The following PDCD6IP variants were observed in gnomAD, a reference collection of about 807,000 sequenced individuals.
PDCD6IP encodes programmed cell death 6 interacting protein.
A neutral mutation model predicts 103.7 loss-of-function variants in PDCD6IP; 43 were observed. The observed-to-expected ratio is 0.41, with a 90% CI of 0.32 to 0.53. PDCD6IP has a LOEUF of 0.53. Ranked by LOEUF, PDCD6IP falls within the 20% of genes least tolerant of loss-of-function variation. The probability of loss-of-function intolerance (pLI) is 0.16; values close to 1 mark genes in which losing one functional copy is unlikely to be tolerated. For missense variants in PDCD6IP, 871 were observed against 1,036.7 expected (o/e 0.84, Z 2.20); for synonymous variants, 354 against 378.7 (o/e 0.93, Z 0.76).
chr3:33,863,433 C>A (rs1217941925), intron 15 of PDCD6IP, among the ~76,000 whole-genome samples: 3 of 152,154 alleles, frequency 2.0e-5, no homozygotes, highest in Non-Finnish European at 2.9e-5. Context: ...TCCCCACCCC[C>A]TACTCTTTCT....
intron 15 of PDCD6IP, among the ~76,000 whole-genome samples, chr3:33,860,641 T>C (rs113012740): frequency 0.04 from 6,136 of 152,296 alleles, 189 homozygotes; most frequent in South Asian, 0.074. Context: ...TAGAATCACA[T>C]ATTATGTACT....
intron 4 of PDCD6IP, 22 bp downstream of exon 4, chr3:33,822,104 A>G (rs371298657): frequency 1.5e-4 from 235 of 1,610,706 alleles, no homozygotes; most frequent in Non-Finnish European, 1.9e-4. Context: ...AGTAGTTACT[A>G]CAATAATGGT....
chr3:33,826,577 C>T lies in PDCD6IP; in HGVS notation c.714C>T (p.Pro238=), dbSNP rs761343613. Residue 238 remains proline (P), a synonymous_variant, in exon 6 of 18, where the codon CCC becomes CCT. Coordinates refer to ENST00000307296, the MANE Select transcript of PDCD6IP (RefSeq NM_013374.6). ...AGTGTCAATACAAAGATACTCTCCC[C>T]AAGGTCAGTTATTGTTTTTATAAAC... ...FKQCQYKDTL[P]KEVFPVLAAK... is the part of the protein sequence containing the mutation. 2 of 1,611,314 alleles carry T rather than the reference C, an allele frequency of 1.2e-6. No individual in the cohort carries two copies. Among genetic ancestry groups the T allele is most frequent in the Non-Finnish European group, 1.7e-6 (2 of 1,177,846 alleles).
rs566721231 is a variant in PDCD6IP, at chr3:33,836,123, A to T, written c.914A>T (p.Asn305Ile). The T allele has an allele frequency of 1.6e-5, 26 of 1,612,200 alleles. No homozygotes were observed. In the Admixed American group the frequency reaches 2.7e-4, roughly 17 times the overall value. The change falls in exon 8 of 18, where the codon AAT becomes ATT. Residue 305 changes from asparagine to isoleucine, a missense_variant. Around this residue, in one of 5 missense-constraint regions of PDCD6IP, gnomAD observed 242 missense variants for 250.7 expected, o/e 0.97. Coordinates refer to ENST00000307296, the MANE Select transcript of PDCD6IP (RefSeq NM_013374.6). ...VNVKDFSDKI[N>I]RALAAAKKDN... Reference sequence around the variant, plus strand: ...GTGAAGGATTTTTCTGACAAAATCAATCGTGCCCTTGCTGCAGCAAAGAAG... The same window carrying T: ...GTGAAGGATTTTTCTGACAAAATCATTCGTGCCCTTGCTGCAGCAAAGAAG...
intron 12 of PDCD6IP, among the ~76,000 whole-genome samples, chr3:33,850,941 T>A (rs1697699969): frequency 6.6e-6 from 1 of 151,772 alleles, no homozygotes; most frequent in African/African-American, 2.4e-5. Context: ...CCCCTCCCTC[T>A]TCTGTTCCTT....
rs1697741086 is a variant in PDCD6IP, at chr3:33,852,558, A to G, written c.1712A>G (p.Asn571Ser). The G allele has an allele frequency of 3.2e-6, 5 of 1,579,272 alleles. No homozygotes were observed. The Admixed American group carries it at 9.9e-5, about 31-fold the overall frequency. Residue 571 changes from asparagine to serine, a missense_variant, in exon 13 of 18, where the codon AAT becomes AGT. Coordinates refer to ENST00000307296, the MANE Select transcript of PDCD6IP (RefSeq NM_013374.6). ...AAGAAGGAAAGAGAGGGTCTGGAGA[A>G]TGACTTGAAATCTGTGAATTTTGAC... Reference protein sequence around the residue: ...EVKKEREGLENDLKSVNFDMT... With the variant: ...EVKKEREGLESDLKSVNFDMT...
chr3:33,828,437 G>A (rs116094183), intron 6 of PDCD6IP: 1,726 of 153,046 alleles, frequency 0.011, 35 homozygotes, highest in African/African-American at 0.037. Context: ...TGATGGTTTA[G>A]TTAACTCTAC....
chr3:33,821,934 T>G (rs1163238188), intron 3 of PDCD6IP, 21 bp from the exon 4 acceptor site: 1 of 1,599,816 alleles, frequency 6.3e-7, no homozygotes. Context: ...TGATGAATTT[T>G]TCCTTCTCAA....
At chr3:33,820,241 C>T (rs1407543544) in intron 3 of PDCD6IP, among the ~76,000 whole-genome samples, 1 of 152,084 alleles carries the variant, frequency 6.6e-6, no homozygotes, top group Admixed American at 6.6e-5. Flanking sequence ...TGTGATTGCA[C>T]TAGTGCACTC....
chr3:33,852,767 T>C, intron 13 of PDCD6IP, 31 bp downstream of exon 13: 5 of 1,549,444 alleles, frequency 3.2e-6, no homozygotes, highest in Non-Finnish European at 4.3e-6. Flanking sequence ...AAGATCTGTG[T>C]TTTAAAAATT....
chr3:33,835,591 G>A (rs1385798011), intron 7 of PDCD6IP, among the ~76,000 whole-genome samples: 2 of 152,104 alleles, frequency 1.3e-5, no homozygotes, highest in Admixed American at 6.5e-5. Context: ...GGGGGTGCAC[G>A]CTTGTAATTC....
At chr3:33,850,730 G>C (rs771301414) in intron 12 of PDCD6IP, among the ~76,000 whole-genome samples, 35 of 151,990 alleles carry the variant, frequency 2.3e-4, no homozygotes, top group South Asian at 8.3e-4. Flanking sequence ...ATCAAGTTCT[G>C]CTAGGTCTTT....
intron 8 of PDCD6IP, among the ~76,000 whole-genome samples, chr3:33,837,535 G>A (rs931702679): frequency 6.6e-6 from 1 of 152,000 alleles, no homozygotes; most frequent in Non-Finnish European, 1.5e-5. Flanking sequence ...AGGTCACATA[G>A]CTAGGAAGTG....
chr3:33,865,057 C>G (rs1189775512), intron 16 of PDCD6IP, among the ~76,000 whole-genome samples, 186 bp from the exon 17 acceptor site: 1 of 152,038 alleles, frequency 6.6e-6, no homozygotes, highest in African/African-American at 2.4e-5. Context: ...TATGGAGTTT[C>G]CACAGGTTGG....
At chr3:33,800,403 G>A (rs1696449771) in intron 1 of PDCD6IP, among the ~76,000 whole-genome samples, 1 of 152,112 alleles carries the variant, frequency 6.6e-6, no homozygotes, top group Non-Finnish European at 1.5e-5. Context: ...TGGGAAATGG[G>A]CTAAGTTAAT....
intron 7 of PDCD6IP, among the ~76,000 whole-genome samples, chr3:33,830,588 A>C (rs1697223769): frequency 6.6e-6 from 1 of 152,176 alleles, no homozygotes; most frequent in African/African-American, 2.4e-5. Flanking sequence ...GTTAAAGTTA[A>C]GACAGAAGTT....
intron 1 of PDCD6IP, among the ~76,000 whole-genome samples, chr3:33,804,635 T>C (rs1045023275): frequency 1.3e-5 from 2 of 152,240 alleles, no homozygotes; most frequent in African/African-American, 4.8e-5. Context: ...GTAAATCTTA[T>C]CAGGACTATC....
chr3:33,811,943 T>A, intron 1 of PDCD6IP, 129 bp from the exon 2 acceptor site: 1 of 1,295,436 alleles, frequency 7.7e-7, no homozygotes, highest in Non-Finnish European at 1.0e-6. Context: ...ATTAAAAAAC[T>A]TTTTTTCATA....
chr3:33,824,268 T>A (rs79154835), intron 4 of PDCD6IP, among the ~76,000 whole-genome samples: 2 of 147,782 alleles, frequency 1.4e-5, no homozygotes, highest in Admixed American at 6.8e-5. Context: ...TTTTTTTTTT[T>A]CTTTTTTGAG....
Sources: allele counts gnomAD v4.1 joint callset (sites outside exome capture counted in the v4.1 genomes callset), GRCh38; gene constraint gnomAD v4.1.1; regional missense constraint gnomAD v4.1.1; transcripts MANE v1.5; gene names NCBI Gene and HGNC (gene_info 2026-07-23, HGNC 2026-07-21).